The following VTI1A variants were observed in gnomAD, a reference collection of about 807,000 sequenced individuals.
The protein encoded by VTI1A is vesicle transport through interaction with t-SNAREs 1A, also known as vesicle transport through interaction with t-SNAREs homolog 1A.
Under a neutral mutation model 34.9 loss-of-function variants are expected in VTI1A, and 22 were observed. That is an observed-to-expected ratio of 0.63 (90% confidence interval 0.45 to 0.90). VTI1A has a LOEUF of 0.90. Among genes scored for constraint, VTI1A ranks in the 40% least tolerant of loss-of-function variants. The pLI, the probability that VTI1A is intolerant of heterozygous loss-of-function variation, is 0.00. For synonymous variants in VTI1A, 87 were observed against 97.3 expected, an observed-to-expected ratio of 0.89 and a Z score of 0.62; for missense variants, 268 against 275.6, an observed-to-expected ratio of 0.97 and a Z score of 0.20.
At chr10:112,811,793 G>A (rs775323920) in intron 7 of VTI1A, among the ~76,000 whole-genome samples, 3 of 151,372 alleles carry the variant, frequency 2.0e-5, no homozygotes, top group Non-Finnish European at 4.4e-5. Context: ...GAATTCCTGG[G>A]CTCCTCGAGC....
chr10:112,595,306 C>A (rs928072416), intron 5 of VTI1A, among the ~76,000 whole-genome samples: 77 of 149,724 alleles, frequency 5.1e-4, no homozygotes, highest in African/African-American at 1.8e-3. Flanking sequence ...CCAAAATTGA[C>A]AAATGGGATC....
intron 4 of VTI1A, among the ~76,000 whole-genome samples, chr10:112,535,168 G>A (rs1046035000): frequency 1.1e-4 from 17 of 152,036 alleles, no homozygotes; most frequent in African/African-American, 4.1e-4. Flanking sequence ...TTATGATTCT[G>A]GAATTCATGT....
At chr10:112,551,739 G>A (rs1029946451) in intron 5 of VTI1A, among the ~76,000 whole-genome samples, 3 of 152,006 alleles carry the variant, frequency 2.0e-5, no homozygotes, top group South Asian at 2.1e-4. Flanking sequence ...TCATTATGTC[G>A]GGGAAAGACT....
intron 2 of VTI1A, 108 bp downstream of exon 2, chr10:112,460,690 G>T: frequency 1.2e-6 from 1 of 804,694 alleles, no homozygotes; most frequent in South Asian, 3.9e-5. Flanking sequence ...TTGCTGATTA[G>T]CATTTTATAA....
At chr10:112,666,073 G>A (rs1847630068) in intron 5 of VTI1A, among the ~76,000 whole-genome samples, 1 of 152,108 alleles carries the variant, frequency 6.6e-6, no homozygotes, top group African/African-American at 2.4e-5. Flanking sequence ...AGTAATAACA[G>A]TATGACAAAT....
chr10:112,464,185 A>G (rs1247540462), intron 2 of VTI1A, among the ~76,000 whole-genome samples: 2 of 152,092 alleles, frequency 1.3e-5, no homozygotes, highest in Non-Finnish European at 2.9e-5. Flanking sequence ...TTTGGTAGAG[A>G]TGGGGTTTCG....
rs1342010771 is a variant in VTI1A at position 112,741,522 on chromosome 10, A to G, written c.560+72524A>G. The stretch of plus-strand genomic sequence containing the variant: ...AAGTCTTCTAAAATTGATATTGATG[A>G]TGATTGTACAACTCAGTGAACACAC... On this transcript the variant is annotated intron_variant, in intron 7 of 7. Coordinates refer to ENST00000393077, the MANE Select transcript of VTI1A (RefSeq NM_145206.4). 7.2e-5 allele frequency among the ~76,000 whole-genome samples: 11 copies of G among 152,286 alleles called. 1 individual carries two copies. In the East Asian group the frequency reaches 2.1e-3, roughly 29 times the overall value.
the VTI1A span, among the ~76,000 whole-genome samples, chr10:112,830,618 C>A: frequency 1.3e-5 from 2 of 150,538 alleles, no homozygotes; most frequent in African/African-American, 2.5e-5. Context: ...ATGTGGATCA[C>A]TTAGGCTGTG....
the VTI1A span, among the ~76,000 whole-genome samples, chr10:112,851,318 C>T: frequency 6.7e-4 from 102 of 152,320 alleles, no homozygotes; most frequent in African/African-American, 2.3e-3. Flanking sequence ...GTTGAGTAAA[C>T]ATAGCCTCTC....
intron 7 of VTI1A, among the ~76,000 whole-genome samples, chr10:112,811,156 G>A (rs1324450077): frequency 6.6e-6 from 1 of 152,138 alleles, no homozygotes; most frequent in African/African-American, 2.4e-5. Flanking sequence ...GGGAGTCCAG[G>A]TGCATCTCCA....
At chr10:112,458,173 C>G (rs976560430) in intron 1 of VTI1A, among the ~76,000 whole-genome samples, 1 of 152,110 alleles carries the variant, frequency 6.6e-6, no homozygotes, top group African/African-American at 2.4e-5. Flanking sequence ...ATGAGAAAAA[C>G]TGATGCTTAT....
rs1847696154 is a variant in VTI1A, at chr10:112,460,516, T to G, written c.95-8T>G. 6.2e-7 allele frequency: 1 copy of G among 1,600,092 alleles called. No homozygotes were observed. The highest frequency in any genetic ancestry group is 8.5e-7 in the Non-Finnish European group (1 of 1,175,820). On this transcript the variant is annotated splice_region_variant and splice_polypyrimidine_tract_variant and intron_variant, in intron 1 of 7. Coordinates refer to ENST00000393077, the MANE Select transcript of VTI1A (RefSeq NM_145206.4). Reference sequence around the variant, plus strand: ...TTAGCAATTTCTTGGTATTATTGTTTGTTTCAGATGAAAAGAAACAGATGG... The same window carrying G: ...TTAGCAATTTCTTGGTATTATTGTTGGTTTCAGATGAAAAGAAACAGATGG...
intron 3 of VTI1A, among the ~76,000 whole-genome samples, chr10:112,490,685 G>A (rs1353590497): frequency 1.3e-5 from 2 of 151,618 alleles, no homozygotes; most frequent in Non-Finnish European, 2.9e-5. Flanking sequence ...GCAATCAGCT[G>A]GGGAGCAGGA....
chr10:112,558,838 T>G (rs1851622759), intron 5 of VTI1A, among the ~76,000 whole-genome samples: 1 of 152,198 alleles, frequency 6.6e-6, no homozygotes, highest in Admixed American at 6.5e-5. Flanking sequence ...CCATGCAGGG[T>G]GCAAGGGTCC....
At chr10:112,782,026 G>T (rs1195602378) in intron 7 of VTI1A, among the ~76,000 whole-genome samples, 2 of 152,138 alleles carry the variant, frequency 1.3e-5, no homozygotes, top group Non-Finnish European at 2.9e-5. Flanking sequence ...ACTGACACAA[G>T]TCCCCTCTTC....
chr10:112,586,451 A>G (rs1844163323), intron 5 of VTI1A, among the ~76,000 whole-genome samples: 1 of 152,172 alleles, frequency 6.6e-6, no homozygotes, highest in Non-Finnish European at 1.5e-5. Flanking sequence ...ACAGGTGCAA[A>G]AGAGAACCTT....
At chr10:112,758,978 G>C (rs1238247385) in intron 7 of VTI1A, among the ~76,000 whole-genome samples, 3 of 152,130 alleles carry the variant, frequency 2.0e-5, no homozygotes, top group Non-Finnish European at 4.4e-5. Flanking sequence ...TTTTATCTTG[G>C]CTGGAGCTGA....
intron 3 of VTI1A, among the ~76,000 whole-genome samples, chr10:112,481,364 T>C (rs1208953898): frequency 6.6e-6 from 1 of 152,208 alleles, no homozygotes; most frequent in Non-Finnish European, 1.5e-5. Flanking sequence ...TCAATTAAGC[T>C]TAACAAGAAA....
At chr10:112,603,713 A>G (rs1844966433) in intron 5 of VTI1A, among the ~76,000 whole-genome samples, 1 of 152,138 alleles carries the variant, frequency 6.6e-6, no homozygotes, top group Admixed American at 6.5e-5. Flanking sequence ...TCCCAAGACC[A>G]GCTCAATGAA....
Sources: allele counts gnomAD v4.1 joint callset (sites outside exome capture counted in the v4.1 genomes callset), GRCh38; gene constraint gnomAD v4.1.1; transcripts MANE v1.5; gene names NCBI Gene and HGNC (gene_info 2026-07-23, HGNC 2026-07-21).